TLN2: variants seen among roughly 807,000 people sequenced by gnomAD.
The protein encoded by TLN2 is talin-2.
Under a neutral mutation model 294.7 loss-of-function variants are expected in TLN2, and 118 were observed. That is an observed-to-expected ratio of 0.40 (90% CI 0.34 to 0.47). The LOEUF is 0.47. Ranked by LOEUF, TLN2 falls within the 20% of genes least tolerant of loss-of-function variation. The pLI is 0.84. For synonymous variants in TLN2, 1,431 were observed against 1,304.5 expected, an observed-to-expected ratio of 1.10 and a Z score of -2.09; for missense variants, 3,083 against 3,282.2, an observed-to-expected ratio of 0.94 and a Z score of 1.48.
intron 50 of TLN2, among the ~76,000 whole-genome samples, 170 bp downstream of exon 50, chr15:62,800,939 T>A (rs904690636): frequency 3.3e-5 from 5 of 152,218 alleles, no homozygotes; most frequent in Admixed American, 2.0e-4. Flanking sequence ...CATGTGTCAC[T>A]GAGTTTGGCT....
intron 1 of TLN2, among the ~76,000 whole-genome samples, chr15:62,433,086 T>C (rs143104531): frequency 9.1e-4 from 138 of 152,244 alleles, no homozygotes; most frequent in Non-Finnish European, 1.6e-3. Context: ...TGTGTACTCC[T>C]AGGGAGAGGA....
In TLN2 at chr15:62,394,649, A is replaced by G. The variant is rs376327541; in HGVS notation, c.-238+3964A>G. Among the ~76,000 whole-genome samples, 77 of 152,322 alleles carry G rather than the reference A, an allele frequency of 5.1e-4. 1 individual carries two copies. Among genetic ancestry groups the G allele is most frequent in the Middle Eastern group, 3.4e-3 (1 of 294 alleles). ...GAGTTAGGGAATGTGAACTCTGTCA[A>G]ATTTCCCCTGCAGGGCCCACACCCC... On this transcript the variant is annotated intron_variant, in intron 1 of 58. Coordinates refer to ENST00000636159, the MANE Select transcript of TLN2 (RefSeq NM_015059.3).
intron 37 of TLN2, among the ~76,000 whole-genome samples, chr15:62,760,544 A>G (rs1412051578): frequency 6.6e-6 from 1 of 152,192 alleles, no homozygotes; most frequent in African/African-American, 2.4e-5. Flanking sequence ...TTCTGCAAAC[A>G]TAACTGCCTT....
intron 1 of TLN2, among the ~76,000 whole-genome samples, chr15:62,578,523 G>A (rs923795759): frequency 1.3e-5 from 2 of 152,078 alleles, no homozygotes; most frequent in Admixed American, 6.5e-5. Flanking sequence ...GTGAGATTGC[G>A]CCACTGCACC....
At chr15:62,756,489 C>T (rs990511395) in intron 37 of TLN2, among the ~76,000 whole-genome samples, 5 of 152,142 alleles carry the variant, frequency 3.3e-5, no homozygotes, top group Admixed American at 2.0e-4. Flanking sequence ...CACCATCGCG[C>T]CAGCTCCCTC....
intron 1 of TLN2, among the ~76,000 whole-genome samples, chr15:62,454,580 T>G (rs901531962): frequency 6.6e-6 from 1 of 152,060 alleles, no homozygotes. Flanking sequence ...TTAGAGCAAG[T>G]GTATCAAGAA....
At chr15:62,450,060 A>G (rs746368717) in intron 1 of TLN2, among the ~76,000 whole-genome samples, 4 of 151,998 alleles carry the variant, frequency 2.6e-5, no homozygotes, top group Non-Finnish European at 4.4e-5. Context: ...CTGGACCCCA[A>G]CTTACTTTCC....
rs1567676117 is a variant in TLN2, at chr15:62,820,374, A to C, written c.6878-112A>C. ...GAAGGAAGGTTCCTTAGGACAATGCAGGTCAGGCTCCTGGAGCCTTCATGC... is the reference window on the plus strand; with the variant it reads ...GAAGGAAGGTTCCTTAGGACAATGCCGGTCAGGCTCCTGGAGCCTTCATGC... On this transcript the variant is annotated intron_variant, in intron 53 of 58. Coordinates refer to ENST00000636159, the MANE Select transcript of TLN2 (RefSeq NM_015059.3). 20 of 1,103,992 alleles carry C rather than the reference A, an allele frequency of 1.8e-5. No homozygotes were observed. The South Asian group carries it at 2.2e-4, about 12-fold the overall frequency. The allele number at this position is 1,103,992 out of a possible 1,614,324, so 68.4% of individuals were successfully genotyped here. A position where few individuals can be genotyped will look rare whatever the true frequency, so the allele number is the denominator to read the frequency against.
rs143324134 is a variant in TLN2 at position 62,394,304 on chromosome 15, T to G, written c.-238+3619T>G. 1.8e-3 allele frequency among the ~76,000 whole-genome samples: 273 copies of G among 152,338 alleles called. 2 individuals are homozygous for G. The highest frequency in any genetic ancestry group is 3.4e-3 in the Middle Eastern group (1 of 294). ...TGTGACATTATTGCTCCAGAACTTT[T>G]GAGTCATAATGTTTTCCTGATGATT... On this transcript the variant is annotated intron_variant, in intron 1 of 58. Transcript: ENST00000636159.
At chr15:62,732,247 G>C (rs1385882428) in intron 28 of TLN2, among the ~76,000 whole-genome samples, 1 of 152,200 alleles carries the variant, frequency 6.6e-6, no homozygotes, top group Admixed American at 6.5e-5. Context: ...TACTTTACAT[G>C]TTGCGTCATC....
intron 1 of TLN2, among the ~76,000 whole-genome samples, chr15:62,566,565 A>C (rs2043412096): frequency 6.6e-6 from 1 of 151,660 alleles, no homozygotes; most frequent in African/African-American, 2.4e-5. Context: ...ATATTTGCGA[A>C]GGCCTGATGA....
intron 9 of TLN2, among the ~76,000 whole-genome samples, chr15:62,662,940 C>T (rs146580846): frequency 0.036 from 5,365 of 150,304 alleles, 337 homozygotes; most frequent in African/African-American, 0.12. Context: ...TCTCCTGCCT[C>T]AGTCTCCCGA....
Position 62,792,648 on chromosome 15 carries a change from T to G in TLN2, c.5744T>G (p.Phe1915Cys), listed in dbSNP as rs777554648. The G allele has an allele frequency of 6.8e-6, 11 of 1,613,086 alleles. No individual in the cohort carries two copies. The East Asian group carries it at 1.3e-4, about 20-fold the overall frequency. ...CTGGGCTTGCCTCTGCAGATCGGAT[T>G]CCAGATTCGCACTCGTGTGCAGGAC... is the stretch of plus-strand genomic sequence containing the variant. ...AATAEPEEIGFQIRTRVQDLG... is the reference protein window; with the variant it reads ...AATAEPEEIGCQIRTRVQDLG... Residue 1915 changes from phenylalanine to cysteine, a missense_variant, in exon 46 of 59, where the codon TTC (phenylalanine) becomes TGC (cysteine). By Grantham distance (205) the Phe-to-Cys change is radical (BLOSUM62 -2). Transcript: ENST00000636159.
In TLN2 at chr15:62,657,780, G is replaced by A. The variant is rs1228680566; in HGVS notation, c.670G>A (p.Asp224Asn). The A allele has an allele frequency of 3.1e-6, 5 of 1,611,542 alleles. No individual in the cohort carries two copies. The highest frequency in any genetic ancestry group is 4.2e-6 in the Non-Finnish European group (5 of 1,179,352). ...LNLLYVQARD[D>N]ILNGSHPVSF... Reference sequence around the variant, plus strand: ...TCCTCTTGTGTTTCAGGCACGGGATGACATCCTGAATGGCTCTCACCCTGT... The same window carrying A: ...TCCTCTTGTGTTTCAGGCACGGGATAACATCCTGAATGGCTCTCACCCTGT... The change falls in exon 9 of 59, where the codon GAC becomes AAC. Residue 224 changes from aspartate (D) to asparagine (N), a missense_variant. Physicochemically the swap from Asp to Asn is conservative, Grantham distance 23. Transcript: ENST00000636159.
chr15:62,762,175 G>T, intron 38 of TLN2, 97 bp from the exon 39 acceptor site: 1 of 1,350,200 alleles, frequency 7.4e-7, no homozygotes. Context: ...TCAAAGGGCA[G>T]AGGTGGTGAT....
intron 11 of TLN2, among the ~76,000 whole-genome samples, chr15:62,678,754 C>G (rs2056501719): frequency 6.6e-6 from 1 of 152,158 alleles, no homozygotes; most frequent in South Asian, 2.1e-4. Flanking sequence ...TCGTTTGAAC[C>G]TGGGAGGCAG....
At chr15:62,761,370 G>T (rs371983181) in intron 37 of TLN2, among the ~76,000 whole-genome samples, 4 of 152,172 alleles carry the variant, frequency 2.6e-5, no homozygotes, top group Admixed American at 2.0e-4. Flanking sequence ...ATAGTCTGGT[G>T]CAGGGGGTCA....
intron 41 of TLN2, among the ~76,000 whole-genome samples, chr15:62,766,673 A>C (rs2063029080): frequency 6.6e-6 from 1 of 152,186 alleles, no homozygotes; most frequent in Non-Finnish European, 1.5e-5. Flanking sequence ...TTGTGGCCAG[A>C]GATGTAATTT....
intron 1 of TLN2, among the ~76,000 whole-genome samples, chr15:62,394,176 G>A (rs186277203): frequency 2.0e-5 from 3 of 152,322 alleles, no homozygotes; most frequent in East Asian, 3.9e-4. Context: ...AAACGAGTAT[G>A]TGTTTTGGAA....
Sources: allele counts gnomAD v4.1 joint callset (sites outside exome capture counted in the v4.1 genomes callset), GRCh38; gene constraint gnomAD v4.1.1; transcripts MANE v1.5; gene names NCBI Gene and HGNC (gene_info 2026-07-23, HGNC 2026-07-21).